Variants in DGKD observed in about 807,000 individuals in gnomAD.
DGKD encodes the protein diacylglycerol kinase delta.
DGKD carries 68 observed loss-of-function variants against 154.4 expected under a neutral mutation model. The observed-to-expected ratio is 0.44, with a 90% CI of 0.36 to 0.54. The LOEUF is 0.54. Among genes scored for constraint, DGKD ranks in the 20% least tolerant of loss-of-function variants. The pLI, the probability that DGKD is intolerant of heterozygous loss-of-function variation, is 0.00. For missense variants in DGKD, 1,343 were observed against 1,593.6 expected (o/e 0.84, Z 2.68); for synonymous variants, 693 against 638.0 (o/e 1.09, Z -1.30).
rs1286347339 is a variant in DGKD, at chr2:233,398,348, C to T, written c.348+7865C>T. 1.5e-4 allele frequency among the ~76,000 whole-genome samples: 23 copies of T among 151,758 alleles called. No homozygotes were observed. In the East Asian group the frequency reaches 1.6e-3, roughly 10 times the overall value. ...TTTTAGTAGAGACGGGGTTTCACAG[C>T]GTTAGCCAGGATGGTCTCGATCTCC... is the stretch of plus-strand genomic sequence containing the variant. On this transcript the variant is annotated intron_variant, in intron 3 of 29. Transcript: ENST00000264057.
intron 1 of DGKD, among the ~76,000 whole-genome samples, chr2:233,362,075 T>TG (rs1701810508): frequency 6.6e-6 from 1 of 152,098 alleles, no homozygotes. Context: ...TGGGATTACA[T>TG]GCGTGAGCCA....
intron 28 of DGKD, 29 bp from the exon 29 acceptor site, chr2:233,468,394 C>G: frequency 1.9e-6 from 3 of 1,611,338 alleles, no homozygotes; most frequent in Non-Finnish European, 2.5e-6. Context: ...TGGGCACTCA[C>G]TGCACTCGTG....
intron 3 of DGKD, among the ~76,000 whole-genome samples, chr2:233,427,567 C>T (rs759948648): frequency 2.0e-5 from 3 of 152,136 alleles, no homozygotes; most frequent in Non-Finnish European, 4.4e-5. Context: ...GTCTCGAACT[C>T]CTAACCTCAA....
Position 233,441,775 on chromosome 2 carries a change from G to C in DGKD, c.1086-112G>C. 1 of 938,098 alleles carries C rather than the reference G, an allele frequency of 1.1e-6. No homozygotes were observed. Among genetic ancestry groups the C allele is most frequent in the Non-Finnish European group, 1.6e-6 (1 of 607,720 alleles). The allele number at this position is 938,098 out of a possible 1,614,324, so 58.1% of individuals were successfully genotyped here. A position where few individuals can be genotyped will look rare whatever the true frequency, so the allele number is the denominator to read the frequency against. The stretch of plus-strand genomic sequence containing the variant: ...CAGGGCCTGTGCGTGCTCTGCCTCT[G>C]GTGCAGGTCAGCCATGAGGAGCACA... On this transcript the variant is annotated intron_variant, in intron 9 of 29. Transcript: ENST00000264057. The surrounding 1 kb of genome is among the most constrained non-coding windows in gnomAD (Gnocchi z 5.6).
chr2:233,459,798 G>A lies in DGKD; in HGVS notation c.2736G>A (p.Val912=). ...TCTCCATCCTTGGGGATGAGGGCGT[G>A]CCTGTGCAGGTGGACGGAGAGGCCT... ...VKISILGDEG[V]PVQVDGEAWV... is the part of the protein sequence containing the mutation. Residue 912 remains valine, a synonymous_variant, in exon 23 of 30, where the codon GTG becomes GTA. Coordinates refer to ENST00000264057, the MANE Select transcript of DGKD (RefSeq NM_152879.3). This position sits in a 1 kb window ranked among gnomAD's most constrained non-coding sequence, Gnocchi z 5.7. 6.2e-7 allele frequency: 1 copy of A among 1,613,954 alleles called. No individual in the cohort carries two copies. Among genetic ancestry groups the A allele is most frequent in the Non-Finnish European group, 8.5e-7 (1 of 1,179,966 alleles).
chr2:233,415,851 C>T (rs978814809), intron 3 of DGKD, among the ~76,000 whole-genome samples: 12 of 152,098 alleles, frequency 7.9e-5, no homozygotes, highest in African/African-American at 2.7e-4. Context: ...GTCTTGAACA[C>T]CTGGGCTCAA....
intron 3 of DGKD, among the ~76,000 whole-genome samples, chr2:233,429,760 C>G (rs1367478986): frequency 6.6e-6 from 1 of 152,252 alleles, no homozygotes; most frequent in Non-Finnish European, 1.5e-5. Context: ...CCCTCCGGGC[C>G]TGCCTTTGCC....
chr2:233,457,968 A>G lies in DGKD; in HGVS notation c.2581-316A>G, dbSNP rs1390006534. 6.6e-6 allele frequency among the ~76,000 whole-genome samples: 1 copy of G among 152,196 alleles called. No homozygotes were observed. Among genetic ancestry groups the G allele is most frequent in the Non-Finnish European group, 1.5e-5 (1 of 68,024 alleles). On this transcript the variant is annotated intron_variant, in intron 21 of 29. Transcript: ENST00000264057. This position sits in a 1 kb window ranked among gnomAD's most constrained non-coding sequence, Gnocchi z 5.5. Reference sequence around the variant, plus strand: ...TGCACACGTGGTGTGTGCTGGCCCCAGTCCTGGCACTCTGCAGCGTTAACT... The same window carrying G: ...TGCACACGTGGTGTGTGCTGGCCCCGGTCCTGGCACTCTGCAGCGTTAACT...
rs765697911 is a variant in DGKD at position 233,454,838 on chromosome 2, T to C, written c.2340T>C (p.Phe780=). 1 of 1,613,910 alleles carries C rather than the reference T, an allele frequency of 6.2e-7. No individual in the cohort carries two copies. Among genetic ancestry groups the C allele is most frequent in the Non-Finnish European group, 8.5e-7 (1 of 1,179,902 alleles). The part of the protein sequence containing the change: ...IGLDAKISLD[F]NNKRDEHPEK... The stretch of plus-strand genomic sequence containing the variant: ...TGGATGCGAAGATATCCCTGGACTT[T>C]AACAACAAGCGCGATGAGCACCCAG... The change falls in exon 19 of 30, where the codon TTT becomes TTC. Residue 780 remains phenylalanine, a synonymous_variant. Coordinates refer to ENST00000264057, the MANE Select transcript of DGKD (RefSeq NM_152879.3).
chr2:233,372,506 T>C (rs1251837238), intron 1 of DGKD, among the ~76,000 whole-genome samples: 1 of 152,112 alleles, frequency 6.6e-6, no homozygotes, highest in South Asian at 2.1e-4. Context: ...TTGTTCTCTA[T>C]CTCCTTTCTC....
chr2:233,409,686 A>G (rs2061774258), intron 3 of DGKD, among the ~76,000 whole-genome samples: 1 of 150,920 alleles, frequency 6.6e-6, no homozygotes, highest in Non-Finnish European at 1.5e-5. Context: ...GCTCTGTGGT[A>G]GGGAGACTGC....
At position 233,451,951 on chromosome 2, in the gene DGKD, A is replaced by G; in HGVS notation, c.2168-13A>G. ...CTGACCAGCACCACCTCTTTCTTGT[A>G]TCTCCTTTACAGATGTCCGGGCTGG... On this transcript the variant is annotated splice_polypyrimidine_tract_variant and intron_variant, in intron 17 of 29. Transcript: ENST00000264057. 6.2e-7 allele frequency: 1 copy of G among 1,613,264 alleles called. No homozygotes were observed.
chr2:233,461,778 C>T (rs1487379750), intron 24 of DGKD, among the ~76,000 whole-genome samples: 1 of 152,248 alleles, frequency 6.6e-6, no homozygotes, highest in Non-Finnish European at 1.5e-5. Context: ...CCTTTGCTTG[C>T]ACTGCTCCTA....
rs776163093 is a variant in DGKD at position 233,434,488 on chromosome 2, A to G, written c.453+4A>G. 5.5e-5 allele frequency: 88 copies of G among 1,613,012 alleles called. No individual in the cohort carries two copies. The highest frequency in any genetic ancestry group is 7.3e-5 in the Non-Finnish European group (86 of 1,179,116). On this transcript the variant is annotated splice_donor_region_variant and intron_variant, in intron 4 of 29. Coordinates refer to ENST00000264057, the MANE Select transcript of DGKD (RefSeq NM_152879.3). ...GCAGAACAGGGAGCACTTTGAGGTT[A>G]AAAAAGAAAATACCCTTCTCCAAAT...
At chr2:233,460,061 C>T in intron 23 of DGKD, 133 bp from the exon 24 acceptor site, 1 of 1,467,260 alleles carries the variant, frequency 6.8e-7, no homozygotes, top group Non-Finnish European at 9.0e-7. Context: ...ATCTCCTTCC[C>T]CTAATGTTAA....
intron 1 of DGKD, among the ~76,000 whole-genome samples, chr2:233,363,207 C>T (rs1282991576): frequency 6.6e-6 from 1 of 152,136 alleles, no homozygotes; most frequent in African/African-American, 2.4e-5. Flanking sequence ...GTCATTGTCC[C>T]TGAAGACCTT....
In DGKD at chr2:233,390,391, G is replaced by T; in HGVS notation, c.268-12G>T. On this transcript the variant is annotated splice_polypyrimidine_tract_variant and intron_variant, in intron 2 of 29. Coordinates refer to ENST00000264057, the MANE Select transcript of DGKD (RefSeq NM_152879.3). ...TTTATGTGCCTTAGTCCCTGTGTTTGTCTCTTTCTAGTCAATCATATTTGA... is the reference window on the plus strand; with the variant it reads ...TTTATGTGCCTTAGTCCCTGTGTTTTTCTCTTTCTAGTCAATCATATTTGA... The T allele has an allele frequency of 6.2e-7, 1 of 1,612,658 alleles. No homozygotes were observed. Among genetic ancestry groups the T allele is most frequent in the South Asian group, 1.1e-5 (1 of 90,958 alleles).
chr2:233,447,997 G>C, intron 12 of DGKD, 90 bp from the exon 13 acceptor site: 1 of 1,586,240 alleles, frequency 6.3e-7, no homozygotes, highest in East Asian at 2.2e-5. Flanking sequence ...AGCTTGTGCT[G>C]GCAAGGAAGT....
At chr2:233,424,006 CAGTGAG>C (rs1270454488) in intron 3 of DGKD, among the ~76,000 whole-genome samples, 1 of 152,124 alleles carries the variant, frequency 6.6e-6, no homozygotes, top group Non-Finnish European at 1.5e-5. Context: ...TTTCAGTTCT[CAGTGAG>C]AGGAGTGGGG....
Sources: gnomAD v4.1 joint callset for allele counts (sites outside exome capture counted in the v4.1 genomes callset) on GRCh38, gnomAD v4.1.1 for gene constraint, Gnocchi (gnomAD v3.1) non-coding constraint, MANE v1.5 for transcripts, NCBI Gene and HGNC (gene_info 2026-07-23, HGNC 2026-07-21) for gene names.